ANKH: variants seen among roughly 807,000 people sequenced by gnomAD.
The protein encoded by ANKH is mineralization regulator ANKH.
Under a neutral mutation model 49.0 loss-of-function variants are expected in ANKH, and 15 were observed. That is an observed-to-expected ratio of 0.31 (90% CI 0.20 to 0.47). The LOEUF (loss-of-function observed/expected upper bound fraction) is 0.47. ANKH is among the 20% of genes least tolerant of loss of function. The pLI, the probability that ANKH is intolerant of heterozygous loss-of-function variation, is 1.00. For synonymous variants in ANKH, 273 were observed against 260.0 expected (o/e 1.05, Z -0.48); for missense variants, 429 against 652.0 (o/e 0.66, Z 3.72).
At chr5:14,845,739 C>T (rs920384466) in intron 1 of ANKH, among the ~76,000 whole-genome samples, 18 of 152,008 alleles carry the variant, frequency 1.2e-4, no homozygotes, top group African/African-American at 4.1e-4. Context: ...GGTCAATTAC[C>T]ACAGGTGCTG....
intron 1 of ANKH, among the ~76,000 whole-genome samples, chr5:14,788,391 T>C (rs1740047327): frequency 6.6e-6 from 1 of 152,242 alleles, no homozygotes; most frequent in Admixed American, 6.5e-5. Context: ...ATGATTGTGA[T>C]GTATCTGCCT....
chr5:14,797,225 AG>A (rs1214426534), intron 1 of ANKH: 11 of 1,339,980 alleles, frequency 8.2e-6, no homozygotes, highest in Non-Finnish European at 1.2e-5. Context: ...CTTCCGATAC[AG>A]AACACATCAC....
intron 8 of ANKH, chr5:14,724,410 C>T (rs966312164): frequency 3.4e-6 from 1 of 290,998 alleles, no homozygotes. Flanking sequence ...TGGGGCAGTA[C>T]TTGACTTTTA....
intron 7 of ANKH, among the ~76,000 whole-genome samples, chr5:14,744,811 G>A (rs534663886): frequency 2.6e-5 from 4 of 152,368 alleles, no homozygotes; most frequent in South Asian, 2.1e-4. Context: ...TCTCAGGGGG[G>A]CATTTTGGAA....
intron 1 of ANKH, among the ~76,000 whole-genome samples, chr5:14,794,441 T>C (rs536243807): frequency 6.6e-6 from 1 of 152,336 alleles, no homozygotes; most frequent in South Asian, 2.1e-4. Flanking sequence ...TGTAAGAGGC[T>C]CTGGGGATGT....
chr5:14,851,339 G>A lies in ANKH; in HGVS notation c.96+20013C>T, dbSNP rs146380551. Among the ~76,000 whole-genome samples, 78 of 152,324 alleles carry A rather than the reference G, an allele frequency of 5.1e-4. 2 individuals carry two copies. The East Asian group carries it at 0.014, about 28-fold the overall frequency. Reference sequence around the variant, plus strand: ...GCTCCAAGAGAAGCTCTGCACAGAAGTGCCATTCGGGGCTCAGAAGGAAGA... The same window carrying A: ...GCTCCAAGAGAAGCTCTGCACAGAAATGCCATTCGGGGCTCAGAAGGAAGA... On this transcript the variant is annotated intron_variant, in intron 1 of 11. Transcript: ENST00000284268.
At chr5:14,807,146 G>A (rs545714866) in intron 1 of ANKH, among the ~76,000 whole-genome samples, 25 of 141,282 alleles carry the variant, frequency 1.8e-4, no homozygotes, top group African/African-American at 6.5e-4. Context: ...GTAGGGCCTC[G>A]CTCTGTCTCC....
intron 2 of ANKH, among the ~76,000 whole-genome samples, chr5:14,763,772 T>A (rs1331383350): frequency 2.0e-5 from 3 of 152,204 alleles, no homozygotes; most frequent in Non-Finnish European, 2.9e-5. Context: ...TGAATAAATG[T>A]TGAAATCCAT....
At chr5:14,788,133 C>G (rs773712916) in intron 1 of ANKH, 1 of 152,158 alleles carries the variant, frequency 6.6e-6, no homozygotes, top group Admixed American at 6.5e-5. Context: ...ATCAGTGCTG[C>G]CCTTGTTAGA....
chr5:14,729,298 C>T (rs1256964889), intron 8 of ANKH, among the ~76,000 whole-genome samples: 1 of 152,054 alleles, frequency 6.6e-6, no homozygotes, highest in African/African-American at 2.4e-5. Context: ...GGTGATTCGC[C>T]CACCTTGGCC....
At chr5:14,746,323 A>G (rs1738541674) in intron 6 of ANKH, among the ~76,000 whole-genome samples, 1 of 145,774 alleles carries the variant, frequency 6.9e-6, no homozygotes, top group Non-Finnish European at 1.5e-5. Flanking sequence ...CTTTCTTTTA[A>G]TTTTTGAGGG....
intron 1 of ANKH, among the ~76,000 whole-genome samples, chr5:14,856,304 C>T (rs1316076470): frequency 6.6e-6 from 1 of 152,104 alleles, no homozygotes; most frequent in African/African-American, 2.4e-5. Flanking sequence ...ACACCATGCT[C>T]AAAGTCTTTG....
chr5:14,752,695 C>T lies in ANKH; in HGVS notation c.517-1456G>A, dbSNP rs568791030. On this transcript the variant is annotated intron_variant, in intron 4 of 11. Transcript: ENST00000284268. ...AAACATGTAAAAACCAGGACTGCAGCGGGGAGAGGGCTGGTGGGAAAGAGT... is the reference window on the plus strand; with the variant it reads ...AAACATGTAAAAACCAGGACTGCAGTGGGGAGAGGGCTGGTGGGAAAGAGT... 4.6e-5 allele frequency among the ~76,000 whole-genome samples: 7 copies of T among 152,112 alleles called. No homozygotes were observed. The South Asian group carries it at 1.2e-3, about 27-fold the overall frequency.
At chr5:14,746,842 A>G (rs546198344) in intron 6 of ANKH, among the ~76,000 whole-genome samples, 1 of 152,294 alleles carries the variant, frequency 6.6e-6, no homozygotes, top group East Asian at 1.9e-4. Context: ...GACGGTTTCA[A>G]TCCCTCCCTT....
Position 14,713,526 on chromosome 5 carries a change from A to G in ANKH, c.1265+18T>C, listed in dbSNP as rs928938806. On this transcript the variant is annotated intron_variant, in intron 10 of 11. Transcript: ENST00000284268. The surrounding 1 kb of genome is among the most constrained non-coding windows in gnomAD (Gnocchi z 4.4). ...AGTGGCAGAAGGACCCACAGCCCCA[A>G]ACTCCCTGACAACATACCCCAGGTA... is the stretch of plus-strand genomic sequence containing the variant. The G allele has an allele frequency of 1.9e-5, 30 of 1,613,774 alleles. 1 individual carries two copies. Among genetic ancestry groups the G allele is most frequent in the East Asian group, 1.3e-4 (6 of 44,896 alleles).
intron 1 of ANKH, among the ~76,000 whole-genome samples, chr5:14,772,418 T>G (rs1000308386): frequency 6.6e-6 from 1 of 152,222 alleles, no homozygotes; most frequent in African/African-American, 2.4e-5. Flanking sequence ...TGACTCGGTA[T>G]TATATAAGCT....
intron 2 of ANKH, among the ~76,000 whole-genome samples, chr5:14,764,849 C>T (rs576332064): frequency 1.8e-4 from 27 of 152,280 alleles, no homozygotes; most frequent in African/African-American, 6.3e-4. Context: ...AGTTTTGTTC[C>T]CCTGAATTCT....
At chr5:14,757,434 T>TACA (rs1561041126) in intron 3 of ANKH, among the ~76,000 whole-genome samples, 3 of 116,300 alleles carry the variant, frequency 2.6e-5, no homozygotes, top group Non-Finnish European at 5.1e-5. Context: ...ATATATATTT[T>TACA]TTTTTTTTTT....
chr5:14,775,637 G>A (rs1213762597), intron 1 of ANKH, among the ~76,000 whole-genome samples: 3 of 152,158 alleles, frequency 2.0e-5, no homozygotes, highest in Non-Finnish European at 4.4e-5. Flanking sequence ...GACCAAGAGT[G>A]AGCCAGGTGC....
Sources: allele counts gnomAD v4.1 joint callset (sites outside exome capture counted in the v4.1 genomes callset), GRCh38; gene constraint gnomAD v4.1.1; non-coding constraint Gnocchi (gnomAD v3.1); transcripts MANE v1.5; gene names NCBI Gene and HGNC (gene_info 2026-07-23, HGNC 2026-07-21).